Variants in MAP3K7CL observed in about 807,000 individuals in gnomAD.
MAP3K7CL encodes MAP3K7 C-terminal like, also known as MAP3K7 C-terminal-like protein.
In MAP3K7CL, 16 loss-of-function variants were observed where a neutral mutation model predicts 18.6. That is an observed-to-expected ratio of 0.86 (90% confidence interval 0.58 to 1.31). The LOEUF (loss-of-function observed/expected upper bound fraction) is 1.31, where lower values mean the gene tolerates loss of function less well. MAP3K7CL is among the 50% of genes most tolerant of loss of function. MAP3K7CL has a pLI of 0.00. For missense variants in MAP3K7CL, 163 were observed against 174.4 expected (o/e 0.93, Z 0.37); for synonymous variants, 65 against 66.8 (o/e 0.97, Z 0.13).
At chr21:29,162,647 C>T (rs1427762181) in intron 4 of MAP3K7CL, among the ~76,000 whole-genome samples, 1 of 149,430 alleles carries the variant, frequency 6.7e-6, no homozygotes, top group Non-Finnish European at 1.5e-5. Flanking sequence ...CGTGCCATTG[C>T]ACTCCAGCCT....
At chr21:29,107,209 A>C (rs2086338809) in intron 4 of MAP3K7CL, among the ~76,000 whole-genome samples, 1 of 152,108 alleles carries the variant, frequency 6.6e-6, no homozygotes, top group South Asian at 2.1e-4. Context: ...CCAGCTACTC[A>C]GGAGGCTGAG....
At chr21:29,120,766 T>C (rs556791079) in intron 4 of MAP3K7CL, among the ~76,000 whole-genome samples, 57 of 151,768 alleles carry the variant, frequency 3.8e-4, no homozygotes, top group Non-Finnish European at 8.0e-4. Context: ...TCCTTTTCTT[T>C]CATCAATTTG....
At chr21:29,109,040 G>A (rs2086373308) in intron 4 of MAP3K7CL, 1 of 1,530,820 alleles carries the variant, frequency 6.5e-7, no homozygotes, top group African/African-American at 1.4e-5. Flanking sequence ...TTCCTACTAG[G>A]TTGACATTCG....
chr21:29,134,914 G>A (rs2086850908), intron 2 of MAP3K7CL, among the ~76,000 whole-genome samples: 1 of 152,140 alleles, frequency 6.6e-6, no homozygotes, highest in Non-Finnish European at 1.5e-5. Context: ...AGCTGGGCCT[G>A]GTGGCGGGCG....
chr21:29,092,357 GA>G (rs1212468198), intron 3 of MAP3K7CL: 9 of 1,540,510 alleles, frequency 5.8e-6, no homozygotes, highest in Non-Finnish European at 7.1e-6. Context: ...TCTTCTCAGG[GA>G]AAAAAAGAAC....
upstream of MAP3K7CL, among the ~76,000 whole-genome samples, chr21:29,130,243 T>C (rs1215748628): frequency 1.3e-5 from 2 of 152,234 alleles, no homozygotes; most frequent in Non-Finnish European, 2.9e-5. Flanking sequence ...TTATTTACCA[T>C]TGACTCCTTT....
At chr21:29,085,806 C>A, upstream of MAP3K7CL, 2 of 1,560,766 alleles carry the variant, frequency 1.3e-6, no homozygotes, top group South Asian at 1.1e-5. Flanking sequence ...CTCTCTATAT[C>A]CCCCAGGTGA....
intron 4 of MAP3K7CL, among the ~76,000 whole-genome samples, chr21:29,164,296 G>T (rs1360413470): frequency 6.6e-6 from 1 of 152,086 alleles, no homozygotes; most frequent in Non-Finnish European, 1.5e-5. Flanking sequence ...GATATATTGG[G>T]CCAAGTGAAT....
intron 4 of MAP3K7CL, among the ~76,000 whole-genome samples, chr21:29,165,545 A>G (rs1307537484): frequency 6.6e-6 from 1 of 152,034 alleles, no homozygotes; most frequent in Non-Finnish European, 1.5e-5. Flanking sequence ...TTGCATCCTC[A>G]TGTTATATAT....
upstream of MAP3K7CL, among the ~76,000 whole-genome samples, chr21:29,130,282 C>G (rs557497894): frequency 2.0e-5 from 3 of 152,294 alleles, no homozygotes; most frequent in African/African-American, 4.8e-5. Flanking sequence ...AAGAATGAAT[C>G]GAGTCATCAA....
At chr21:29,124,629 T>C (rs887275226) in intron 4 of MAP3K7CL, among the ~76,000 whole-genome samples, 2 of 152,212 alleles carry the variant, frequency 1.3e-5, no homozygotes, top group Non-Finnish European at 2.9e-5. Flanking sequence ...GAGGATCAGG[T>C]AAAGTCTGTC....
At chr21:29,154,417 G>A (rs1307692680) in intron 3 of MAP3K7CL, among the ~76,000 whole-genome samples, 2 of 150,164 alleles carry the variant, frequency 1.3e-5, no homozygotes, top group Non-Finnish European at 3.0e-5. Flanking sequence ...ACCAAATTGA[G>A]CAATAGCTTC....
chr21:29,159,889 A>T, intron 3 of MAP3K7CL, 52 bp from the exon 4 acceptor site: 3 of 1,450,360 alleles, frequency 2.1e-6, no homozygotes, highest in South Asian at 2.4e-5. Flanking sequence ...AATGGTTGGT[A>T]ATTTATCCTG....
chr21:29,165,855 C>G (rs889773411), intron 4 of MAP3K7CL, among the ~76,000 whole-genome samples: 1 of 152,214 alleles, frequency 6.6e-6, no homozygotes, highest in East Asian at 1.9e-4. Flanking sequence ...AGCCATGCGC[C>G]TGGCCAGTTT....
chr21:29,109,148 C>T (rs746171745), intron 4 of MAP3K7CL: 169 of 1,535,268 alleles, frequency 1.1e-4, no homozygotes, highest in Non-Finnish European at 1.4e-4. Context: ...GTTTCTTCCT[C>T]TTCCCTAACG....
intron 4 of MAP3K7CL, among the ~76,000 whole-genome samples, chr21:29,106,014 C>T (rs1204759929): frequency 6.6e-6 from 1 of 152,158 alleles, no homozygotes; most frequent in South Asian, 2.1e-4. Context: ...CCCCATGAAC[C>T]TCCCTGTCTT....
chr21:29,147,866 G>A (rs375473609), intron 2 of MAP3K7CL, among the ~76,000 whole-genome samples: 62 of 151,032 alleles, frequency 4.1e-4, no homozygotes, highest in East Asian at 4.0e-3. Flanking sequence ...TATCTGTACT[G>A]TATCTCTATT....
chr21:29,130,812 T>A lies in MAP3K7CL; in HGVS notation c.-151T>A. 1 of 985,584 alleles carries A rather than the reference T, an allele frequency of 1.0e-6. No individual in the cohort carries two copies. Among genetic ancestry groups the A allele is most frequent in the Non-Finnish European group, 1.2e-6 (1 of 830,038 alleles). 61.1% of individuals were successfully genotyped at this position (985,584 alleles called of 1,614,324 possible). ...CTCCTCAGATTGTCAGTGGCTGCTATGCAGCAGGTGCAGCCTGGTCTCTCA... is the reference window on the plus strand; with the variant it reads ...CTCCTCAGATTGTCAGTGGCTGCTAAGCAGCAGGTGCAGCCTGGTCTCTCA... On this transcript the variant is annotated 5_prime_UTR_variant, in exon 1 of 5. It removes an upstream start codon present in the reference 5' UTR. Coordinates refer to ENST00000399928, the MANE Select transcript of MAP3K7CL (RefSeq NM_001286620.2).
At chr21:29,163,865 A>T (rs940870422) in intron 4 of MAP3K7CL, among the ~76,000 whole-genome samples, 1 of 151,772 alleles carries the variant, frequency 6.6e-6, no homozygotes, top group African/African-American at 2.4e-5. Flanking sequence ...CCAGTTAATT[A>T]AAAAAATTTT....
Sources: allele counts gnomAD v4.1 joint callset (sites outside exome capture counted in the v4.1 genomes callset), GRCh38; gene constraint gnomAD v4.1.1; transcripts MANE v1.5; gene names NCBI Gene and HGNC (gene_info 2026-07-23, HGNC 2026-07-21).